Variants in AGPAT3 observed in about 807,000 individuals in gnomAD.
AGPAT3 encodes 1-acyl-sn-glycerol-3-phosphate acyltransferase gamma.
AGPAT3 carries 5 observed loss-of-function variants against 47.3 expected under a neutral mutation model. The ratio of observed to expected loss-of-function variants is 0.11; its 90% CI spans 0.06 to 0.22. The LOEUF (loss-of-function observed/expected upper bound fraction) is 0.22, where lower values mean the gene tolerates loss of function less well. Ranked by LOEUF, AGPAT3 falls within the 10% of genes least tolerant of loss-of-function variation. AGPAT3 has a pLI of 1.00. For synonymous variants in AGPAT3, 212 were observed against 208.3 expected (o/e 1.02, Z -0.15); for missense variants, 315 against 493.0 (o/e 0.64, Z 3.42).
rs1446268004 is a variant in AGPAT3, at chr21:43,984,612, C to T, written c.*2220C>T. 3.8e-5 allele frequency: 6 copies of T among 157,728 alleles called. No individual in the cohort carries two copies. Among genetic ancestry groups the T allele is most frequent in the Admixed American group, 6.1e-5 (1 of 16,516 alleles). The allele number at this position is 157,728 out of a possible 1,614,324, so 9.8% of individuals were successfully genotyped here. On this transcript the variant is annotated 3_prime_UTR_variant, in exon 10 of 10. Coordinates refer to ENST00000291572, the MANE Select transcript of AGPAT3 (RefSeq NM_020132.5). ...ACCTCATCTGGTTTCCTTCCCATCT[C>T]ACAGCTTAGCTTGTGCTTCTCAACA...
At position 43,871,139 on chromosome 21, in the gene AGPAT3, T is replaced by C. The variant is rs369626717; in HGVS notation, c.-112+5794T>C. On this transcript the variant is annotated intron_variant, in intron 1 of 9. Transcript: ENST00000291572. ...TGTTTTTACAGTCTCTGGGCTACAG[T>C]ATTTATTTCTTGAAACAAAGTAACT... Among the ~76,000 whole-genome samples the C allele has an allele frequency of 1.3e-5, 2 of 152,242 alleles. 1 individual carries two copies. Among genetic ancestry groups the C allele is most frequent in the South Asian group, 4.1e-4 (2 of 4,832 alleles).
chr21:43,915,044 TA>T (rs1460374681), intron 2 of AGPAT3, among the ~76,000 whole-genome samples: 1 of 152,152 alleles, frequency 6.6e-6, no homozygotes, highest in Non-Finnish European at 1.5e-5. Context: ...AAATGTATTT[TA>T]TTTTGATGAT....
chr21:43,927,532 C>T (rs2087097611), intron 2 of AGPAT3, among the ~76,000 whole-genome samples: 1 of 152,204 alleles, frequency 6.6e-6, no homozygotes, highest in African/African-American at 2.4e-5. Context: ...TGCTCGGCAC[C>T]TCTCTGCTCT....
At position 43,939,132 on chromosome 21, in the gene AGPAT3, G is replaced by C. The variant is rs898297087; in HGVS notation, c.-48-20502G>C. Among the ~76,000 whole-genome samples, 8 of 152,212 alleles carry C rather than the reference G, an allele frequency of 5.3e-5. No individual in the cohort carries two copies. The highest frequency in any genetic ancestry group is 8.8e-5 in the Non-Finnish European group (6 of 68,036). Reference sequence around the variant, plus strand: ...ACCCTGCTGGGGACAGGTTCGTTGTGTCTGATGCCGTGGGAGATGCACGAG... The same window carrying C: ...ACCCTGCTGGGGACAGGTTCGTTGTCTCTGATGCCGTGGGAGATGCACGAG... On this transcript the variant is annotated intron_variant, in intron 2 of 9. Transcript: ENST00000291572. The surrounding 1 kb of genome is among the most constrained non-coding windows in gnomAD (Gnocchi z 4.4).
In AGPAT3 at chr21:43,920,997, C is replaced by T. The variant is rs1601311760; in HGVS notation, c.-49+16978C>T. On this transcript the variant is annotated intron_variant, in intron 2 of 9. Transcript: ENST00000291572. The surrounding 1 kb of genome is among the most constrained non-coding windows in gnomAD (Gnocchi z 6.1). Reference sequence around the variant, plus strand: ...GCGTGGTGGCGGGCACCTGTAGTTCCAGCTACTCAGCAGGCTGAGGCAGGA... The same window carrying T: ...GCGTGGTGGCGGGCACCTGTAGTTCTAGCTACTCAGCAGGCTGAGGCAGGA... Among the ~76,000 whole-genome samples, 1 of 152,132 alleles carries T rather than the reference C, an allele frequency of 6.6e-6. No homozygotes were observed. Among genetic ancestry groups the T allele is most frequent in the East Asian group, 1.9e-4 (1 of 5,192 alleles).
rs889819370 is a variant in AGPAT3, at chr21:43,952,996, A to G, written c.-48-6638A>G. Reference sequence around the variant, plus strand: ...ATAACCAAGTGAGGCGAGGTTCCACATCGCCGGCCAAGTGGCTTTATGGGC... The same window carrying G: ...ATAACCAAGTGAGGCGAGGTTCCACGTCGCCGGCCAAGTGGCTTTATGGGC... On this transcript the variant is annotated intron_variant, in intron 2 of 9. Transcript: ENST00000291572. This position sits in a 1 kb window ranked among gnomAD's most constrained non-coding sequence, Gnocchi z 5.6. Among the ~76,000 whole-genome samples the G allele has an allele frequency of 2.0e-5, 3 of 152,210 alleles. No individual in the cohort carries two copies. The highest frequency in any genetic ancestry group is 7.2e-5 in the African/African-American group (3 of 41,450).
intron 1 of AGPAT3, among the ~76,000 whole-genome samples, chr21:43,875,576 T>A (rs2085716057): frequency 6.6e-6 from 1 of 152,268 alleles, no homozygotes; most frequent in Admixed American, 6.5e-5. Flanking sequence ...TTAGCAACTC[T>A]ATCTTCATCT....
intron 2 of AGPAT3, among the ~76,000 whole-genome samples, chr21:43,924,321 A>G (rs1435767944): frequency 1.3e-5 from 2 of 151,956 alleles, no homozygotes; most frequent in Non-Finnish European, 2.9e-5. Context: ...CATCGCGCCG[A>G]GCCAGGAAAA....
Position 43,932,197 on chromosome 21 carries a change from A to T in AGPAT3, c.-48-27437A>T, listed in dbSNP as rs1415067801. On this transcript the variant is annotated intron_variant, in intron 2 of 9. Coordinates refer to ENST00000291572, the MANE Select transcript of AGPAT3 (RefSeq NM_020132.5). This position sits in a 1 kb window ranked among gnomAD's most constrained non-coding sequence, Gnocchi z 5.2. Reference sequence around the variant, plus strand: ...AACTGGTCGCCACGCAGCGCGGCCGATCACGAACACGTCCCTCCAGTCTAA... The same window carrying T: ...AACTGGTCGCCACGCAGCGCGGCCGTTCACGAACACGTCCCTCCAGTCTAA... 6.6e-6 allele frequency among the ~76,000 whole-genome samples: 1 copy of T among 152,180 alleles called. No individual in the cohort carries two copies. Among genetic ancestry groups the T allele is most frequent in the African/African-American group, 2.4e-5 (1 of 41,446 alleles).
At chr21:43,938,399 C>A (rs1010790275) in intron 2 of AGPAT3, among the ~76,000 whole-genome samples, 17 of 149,270 alleles carry the variant, frequency 1.1e-4, no homozygotes, top group African/African-American at 3.5e-4. Context: ...CCTCTGCCTC[C>A]CGAGTTCAAG....
chr21:43,905,258 C>T (rs899484862), intron 2 of AGPAT3, among the ~76,000 whole-genome samples: 1 of 151,476 alleles, frequency 6.6e-6, no homozygotes, highest in Non-Finnish European at 1.5e-5. Context: ...AGAACGATCT[C>T]GGCTCACTGC....
At chr21:43,904,656 G>A (rs2086444968) in intron 2 of AGPAT3, among the ~76,000 whole-genome samples, 1 of 152,122 alleles carries the variant, frequency 6.6e-6, no homozygotes, top group Admixed American at 6.6e-5. Context: ...CCAGGGTTGG[G>A]GCAGCTCCTC....
rs1041865732 is a variant in AGPAT3, at chr21:43,955,489, T to C, written c.-48-4145T>C. On this transcript the variant is annotated intron_variant, in intron 2 of 9. Transcript: ENST00000291572. This position sits in a 1 kb window ranked among gnomAD's most constrained non-coding sequence, Gnocchi z 4.1. Reference sequence around the variant, plus strand: ...TGTCACCCAGGCTGGAGTGCAGTGGTGCGATCTCAGCTCACTGCAGCCTCC... The same window carrying C: ...TGTCACCCAGGCTGGAGTGCAGTGGCGCGATCTCAGCTCACTGCAGCCTCC... Among the ~76,000 whole-genome samples, 3 of 152,060 alleles carry C rather than the reference T, an allele frequency of 2.0e-5. No homozygotes were observed. Among genetic ancestry groups the C allele is most frequent in the Non-Finnish European group, 4.4e-5 (3 of 67,984 alleles).
intron 1 of AGPAT3, among the ~76,000 whole-genome samples, chr21:43,873,578 A>T (rs964105363): frequency 3.9e-5 from 6 of 152,100 alleles, no homozygotes; most frequent in Admixed American, 3.3e-4. Flanking sequence ...GGGTTTCACC[A>T]TGTTGGCCAG....
In AGPAT3 at chr21:43,930,416, T is replaced by C. The variant is rs1479252547; in HGVS notation, c.-49+26397T>C. Among the ~76,000 whole-genome samples, 2 of 152,224 alleles carry C rather than the reference T, an allele frequency of 1.3e-5. No homozygotes were observed. The highest frequency in any genetic ancestry group is 2.9e-5 in the Non-Finnish European group (2 of 68,042). On this transcript the variant is annotated intron_variant, in intron 2 of 9. Transcript: ENST00000291572. The surrounding 1 kb of genome is among the most constrained non-coding windows in gnomAD (Gnocchi z 5.0). ...TGAGGGATCATTTGTGTAAAGCACC[T>C]GCCACTGAGTGTGACCTCAGGGTTG...
chr21:43,889,588 C>A (rs776091051), intron 1 of AGPAT3, among the ~76,000 whole-genome samples: 4 of 152,146 alleles, frequency 2.6e-5, no homozygotes, highest in Non-Finnish European at 5.9e-5. Context: ...ATAAATATCA[C>A]GATAAAGTGA....
Position 43,982,450 on chromosome 21 carries a change from C to A in AGPAT3, c.*58C>A. On this transcript the variant is annotated 3_prime_UTR_variant, in exon 10 of 10. Coordinates refer to ENST00000291572, the MANE Select transcript of AGPAT3 (RefSeq NM_020132.5). The surrounding 1 kb of genome is among the most constrained non-coding windows in gnomAD (Gnocchi z 6.2). ...ACGGTGGTATCCAGTTAACTCAAAACCAACACACAGAGTGCAGGAAAAGAC... is the reference window on the plus strand; with the variant it reads ...ACGGTGGTATCCAGTTAACTCAAAAACAACACACAGAGTGCAGGAAAAGAC... The A allele has an allele frequency of 3.2e-6, 4 of 1,266,004 alleles. No homozygotes were observed. The highest frequency in any genetic ancestry group is 4.6e-6 in the Non-Finnish European group (4 of 870,772). The allele number at this position is 1,266,004 out of a possible 1,614,324, so 78.4% of individuals were successfully genotyped here.
rs1289457025 is a variant in AGPAT3, at chr21:43,970,967, A to G, written c.664+161A>G. 1.3e-5 allele frequency among the ~76,000 whole-genome samples: 2 copies of G among 152,258 alleles called. No individual in the cohort carries two copies. The highest frequency in any genetic ancestry group is 4.8e-5 in the African/African-American group (2 of 41,470). On this transcript the variant is annotated intron_variant, in intron 6 of 9. Coordinates refer to ENST00000291572, the MANE Select transcript of AGPAT3 (RefSeq NM_020132.5). This position sits in a 1 kb window ranked among gnomAD's most constrained non-coding sequence, Gnocchi z 5.8. ...GTCGGCGCCGCAAGGTTCCCGCGTCAGGTTTTGAGGTGATAAAATGCTAAT... is the reference window on the plus strand; with the variant it reads ...GTCGGCGCCGCAAGGTTCCCGCGTCGGGTTTTGAGGTGATAAAATGCTAAT...
Position 43,987,397 on chromosome 21 carries a change from A to G in AGPAT3, c.*5005A>G, listed in dbSNP as rs2030397040. 6.6e-6 allele frequency among the ~76,000 whole-genome samples: 1 copy of G among 152,252 alleles called. No homozygotes were observed. Among genetic ancestry groups the G allele is most frequent in the African/African-American group, 2.4e-5 (1 of 41,470 alleles). On this transcript the variant is annotated 3_prime_UTR_variant, in exon 10 of 10. Transcript: ENST00000291572. ...ACACAGGGGAAATCAGCCAGTCCAC[A>G]AAAATACGCAAAATGACCTGATGAT...
Sources: allele counts gnomAD v4.1 joint callset (sites outside exome capture counted in the v4.1 genomes callset), GRCh38; gene constraint gnomAD v4.1.1; non-coding constraint Gnocchi (gnomAD v3.1); transcripts MANE v1.5; gene names NCBI Gene and HGNC (gene_info 2026-07-23, HGNC 2026-07-21).